The following RPS2 variants were observed in gnomAD, a reference collection of about 807,000 sequenced individuals.
The protein encoded by RPS2 is small ribosomal subunit protein uS5.
In RPS2, 8 loss-of-function variants were observed where a neutral mutation model predicts 25.3. The ratio of observed to expected loss-of-function variants is 0.32; its 90% CI spans 0.19 to 0.57. The LOEUF is 0.57. Ranked by LOEUF, RPS2 falls within the 20% of genes least tolerant of loss-of-function variation. The pLI is 0.90. For missense variants in RPS2, 229 were observed against 408.1 expected (o/e 0.56, Z 3.78); for synonymous variants, 181 against 161.3 (o/e 1.12, Z -0.92).
Position 1,964,282 on chromosome 16 carries a change from A to G in RPS2, c.261T>C (p.Pro87=), listed in dbSNP as rs2286466. 1,313,555 of 1,610,332 alleles carry G rather than the reference A, an allele frequency of 0.82. 537,826 individuals are homozygous for G. Among genetic ancestry groups the G allele is most frequent in the African/African-American group, 0.97 (72,411 of 74,994 alleles). The part of the protein sequence containing the change: ...SLEEIYLFSL[P]IKESEIIDFF... The stretch of plus-strand genomic sequence containing the variant: ...CCCAACGACCGACGCGTACCTTAAT[A>G]GGCAGGGAGAAGAGATAGATCTCCT... Residue 87 remains proline (P), a synonymous_variant, in exon 3 of 7, where the codon CCT becomes CCC. Coordinates refer to ENST00000343262, the MANE Select transcript of RPS2 (RefSeq NM_002952.4).
In RPS2 at chr16:1,964,645, G is replaced by C. The variant is rs1390733313; in HGVS notation, c.-3-17C>G. On this transcript the variant is annotated splice_polypyrimidine_tract_variant and intron_variant, in intron 1 of 6. Transcript: ENST00000343262. ...CGCCATTTGCTGGGAAAAGCGACAA[G>C]AAGGAACTAGTCAGTGTGGCCTACG... is the stretch of plus-strand genomic sequence containing the variant. 1 of 1,308,574 alleles carries C rather than the reference G, an allele frequency of 7.6e-7. No homozygotes were observed. The highest frequency in any genetic ancestry group is 1.0e-6 in the Non-Finnish European group (1 of 953,168). The allele number at this position is 1,308,574 out of a possible 1,614,324, so 81.1% of individuals were successfully genotyped here.
At chr16:1,963,038 T>C (rs1264275728) in intron 4 of RPS2, 111 bp downstream of exon 4, 1 of 1,361,342 alleles carries the variant, frequency 7.3e-7, no homozygotes, top group South Asian at 1.2e-5. Context: ...GAGGAGATCT[T>C]TTCTCTCTCT....
At chr16:1,963,015 C>T in intron 4 of RPS2, 106 bp from the exon 5 acceptor site, 1 of 1,405,512 alleles carries the variant, frequency 7.1e-7, no homozygotes, top group East Asian at 2.3e-5. Context: ...CAGTAAGGCC[C>T]ATCCGAGGTC....
chr16:1,963,299 A>C, intron 3 of RPS2, 43 bp from the exon 4 acceptor site: 3 of 1,306,210 alleles, frequency 2.3e-6, no homozygotes, highest in Non-Finnish European at 3.2e-6. Context: ...TTAAAAAAAA[A>C]CTTAATACCA....
At chr16:1,963,576 A>C (rs2083277661) in intron 3 of RPS2, 1 of 357,546 alleles carries the variant, frequency 2.8e-6, no homozygotes. Flanking sequence ...AGATCACGCC[A>C]GCCTAGGCGA....
chr16:1,964,220 C>G, intron 3 of RPS2, 56 bp downstream of exon 3: 3 of 1,327,956 alleles, frequency 2.3e-6, no homozygotes, highest in Non-Finnish European at 3.3e-6. Context: ...CCTCCAACCC[C>G]AGCCCAAATG....
chr16:1,963,357 C>A, intron 3 of RPS2, 101 bp from the exon 4 acceptor site: 1 of 723,908 alleles, frequency 1.4e-6, no homozygotes. Flanking sequence ...GTGGCTCAAG[C>A]CTGTAATCCC....
chr16:1,963,752 T>C (rs1182053920), intron 3 of RPS2: 1 of 451,690 alleles, frequency 2.2e-6, no homozygotes. Context: ...TATTTGCCCT[T>C]TTTCTCTTGT....
intron 3 of RPS2, 156 bp downstream of exon 3, chr16:1,964,120 G>A: frequency 1.6e-6 from 1 of 632,940 alleles, no homozygotes; most frequent in East Asian, 2.8e-5. Context: ...CCTCTAAGTG[G>A]AATCCTCTCC....
chr16:1,963,818 T>C, intron 3 of RPS2: 1 of 458,652 alleles, frequency 2.2e-6, no homozygotes. Context: ...AGCTTTGGCC[T>C]AGCCATGACC....
chr16:1,962,183 T>TAGGGA lies in RPS2; in HGVS notation c.792_796dup (p.Tyr266PhefsTer38). 2 of 1,602,344 alleles carry TAGGGA rather than the reference T, an allele frequency of 1.2e-6. No homozygotes were observed. The highest frequency in any genetic ancestry group is 1.7e-6 in the Non-Finnish European group (2 of 1,178,004). On this transcript the variant is annotated frameshift_variant, in exon 7 of 7. Coordinates refer to ENST00000343262, the MANE Select transcript of RPS2 (RefSeq NM_002952.4). LOFTEE classifies it high-confidence loss of function. The stretch of plus-strand genomic sequence containing the variant: ...GACGAGGTGGTCAGTGAACTCCTGA[T>TAGGGA]AGGGAGACTTGGTGAATACAGTCTC...
chr16:1,962,939 T>A (rs2083269866), intron 4 of RPS2, 30 bp from the exon 5 acceptor site: 2 of 1,596,824 alleles, frequency 1.3e-6, no homozygotes, highest in Non-Finnish European at 8.5e-7. Context: ...AGGCAGCTGG[T>A]GGCCCTACAC....
intron 3 of RPS2, chr16:1,963,607 G>GCCCCCCCCCCCCC (rs1206542724): frequency 2.7e-5 from 9 of 339,610 alleles, no homozygotes; most frequent in African/African-American, 1.1e-4. Flanking sequence ...CTGTGTAACC[G>GCCCCCCCCCCCCC]CCCACCCCGC....
Position 1,963,315 on chromosome 16 carries a change from A to T in RPS2, c.268-59T>A, listed in dbSNP as rs72764889. ...TAAAAAAAAACTTAATACCATTATG[A>T]TATTCAAGAACCAAAGTCACGGCCG... is the stretch of plus-strand genomic sequence containing the variant. On this transcript the variant is annotated intron_variant, in intron 3 of 6. Transcript: ENST00000343262. 1.5e-5 allele frequency: 17 copies of T among 1,118,842 alleles called. No homozygotes were observed. In the African/African-American group the frequency reaches 2.2e-4, roughly 15 times the overall value. 69.3% of individuals were successfully genotyped at this position (1,118,842 alleles called of 1,614,324 possible).
intron 3 of RPS2, chr16:1,963,969 C>T: frequency 4.7e-6 from 2 of 426,818 alleles, no homozygotes; most frequent in South Asian, 4.3e-5. Context: ...CCTCCCACAA[C>T]CTGAACTTCA....
In RPS2 at chr16:1,962,137, G is replaced by C; in HGVS notation, c.843C>G (p.Ser281=). 1 of 1,579,942 alleles carries C rather than the reference G, an allele frequency of 6.3e-7. No individual in the cohort carries two copies. The highest frequency in any genetic ancestry group is 8.5e-7 in the Non-Finnish European group (1 of 1,171,122). The change falls in exon 7 of 7, where the codon TCC becomes TCG. Residue 281 remains serine (S), a synonymous_variant. Coordinates refer to ENST00000343262, the MANE Select transcript of RPS2 (RefSeq NM_002952.4). The part of the protein sequence containing the change: ...DHLVKTHTRV[S]VQRTQAPAVA... ...CAGCTGGAGCCTGAGTCCGCTGCAC[G>C]GAGACTCTGGTGTGGGTCTTGACGA...
intron 3 of RPS2, 71 bp from the exon 4 acceptor site, chr16:1,963,327 CAA>C: frequency 9.7e-7 from 1 of 1,029,122 alleles, no homozygotes. Context: ...ATTCAAGAAC[CAA>C]AGTCACGGCC....
intron 3 of RPS2, 153 bp downstream of exon 3, chr16:1,964,123 T>C (rs1292250299): frequency 4.7e-6 from 3 of 638,596 alleles, no homozygotes; most frequent in Non-Finnish European, 8.4e-6. Flanking sequence ...CTAAGTGGAA[T>C]CCTCTCCTCA....
At chr16:1,964,086 G>A (rs944163115) in intron 3 of RPS2, 190 bp downstream of exon 3, 1 of 594,500 alleles carries the variant, frequency 1.7e-6, no homozygotes, top group African/African-American at 1.9e-5. Flanking sequence ...TTGTGGCTCT[G>A]GCTTCGCTCA....
Sources: allele counts gnomAD v4.1 joint callset, GRCh38; gene constraint gnomAD v4.1.1; transcripts MANE v1.5; gene names NCBI Gene and HGNC (gene_info 2026-07-23, HGNC 2026-07-21).